Variants in STXBP2 observed in about 807,000 individuals in gnomAD.
The protein encoded by STXBP2 is syntaxin-binding protein 2.
STXBP2 carries 47 observed loss-of-function variants against 72.2 expected under a neutral mutation model. That is an observed-to-expected ratio of 0.65 (90% CI 0.51 to 0.83). The LOEUF (loss-of-function observed/expected upper bound fraction) is 0.83, where lower values mean the gene tolerates loss of function less well. Among genes scored for constraint, STXBP2 ranks in the 40% least tolerant of loss-of-function variants. The pLI is 0.00. For synonymous variants in STXBP2, 367 were observed against 338.7 expected (o/e 1.08, Z -0.92); for missense variants, 702 against 807.6 (o/e 0.87, Z 1.58).
chr19:7,632,531 C>T, upstream of STXBP2: 3 of 1,612,194 alleles, frequency 1.9e-6, no homozygotes, highest in Non-Finnish European at 2.5e-6. This position sits in a 1 kb window ranked among gnomAD's most constrained non-coding sequence, Gnocchi z 5.2. Context: ...CGTGGACGTT[C>T]ACAGACTTGG....
chr19:7,631,409 T>TGGGGGGGGGGGGGGGGGGGGGGGG, the STXBP2 span: 2 of 639,588 alleles, frequency 3.1e-6, no homozygotes, highest in Non-Finnish European at 4.3e-6. Flanking sequence ...CGGGGGGGGG[T>TGGGGGGGGGGGGGGGGGGGGGGGG]GGTCCCGGCT....
upstream of STXBP2, chr19:7,633,856 T>G: frequency 1.0e-5 from 2 of 193,764 alleles, no homozygotes; most frequent in Non-Finnish European, 2.1e-5. Context: ...GCCACCCAGG[T>G]TCCCCCACTG....
chr19:7,642,442 G>A lies in STXBP2; in HGVS notation c.808G>A (p.Gly270Arg), dbSNP rs187320742. 2.8e-5 allele frequency: 45 copies of A among 1,613,924 alleles called. No homozygotes were observed. Among genetic ancestry groups the A allele is most frequent in the Middle Eastern group, 1.6e-4 (1 of 6,062 alleles). Residue 270 changes from glycine (G) to arginine (R), a missense_variant, in exon 10 of 19, where the codon GGG becomes AGG. Coordinates refer to ENST00000221283, the MANE Select transcript of STXBP2 (RefSeq NM_006949.4). The surrounding 1 kb of genome is among the most constrained non-coding windows in gnomAD (Gnocchi z 6.0). The part of the protein sequence containing the change: ...EQDTYRYETT[G>R]LSEAREKAVL... ...CTTCCTCCCCAGGTATGAGACCACCGGGCTGAGCGAGGCGCGGGAGAAGGC... is the reference window on the plus strand; with the variant it reads ...CTTCCTCCCCAGGTATGAGACCACCAGGCTGAGCGAGGCGCGGGAGAAGGC...
At chr19:7,631,804 C>T in the STXBP2 span, 1 of 1,412,012 alleles carries the variant, frequency 7.1e-7, no homozygotes, top group South Asian at 1.9e-5. Context: ...TTTCTGTGCT[C>T]CGTCCTGTGG....
rs1268611912 is a variant in STXBP2, at chr19:7,642,396, C to T, written c.795-33C>T. The T allele has an allele frequency of 6.2e-7, 1 of 1,613,696 alleles. No individual in the cohort carries two copies. Among genetic ancestry groups the T allele is most frequent in the Non-Finnish European group, 8.5e-7 (1 of 1,179,676 alleles). On this transcript the variant is annotated intron_variant, in intron 9 of 18. Coordinates refer to ENST00000221283, the MANE Select transcript of STXBP2 (RefSeq NM_006949.4). This position sits in a 1 kb window ranked among gnomAD's most constrained non-coding sequence, Gnocchi z 6.0. The stretch of plus-strand genomic sequence containing the variant: ...GACCTGGTTCCCCAGTCCTCAGCTC[C>T]CCTGACCCCCAGGCTCCCTCCTTCC...
chr19:7,645,980 C>T (rs1044744285), intron 15 of STXBP2: 6 of 559,156 alleles, frequency 1.1e-5, no homozygotes, highest in East Asian at 8.9e-5. Context: ...CTTTGTCTCA[C>T]TGCTTCTTAT....
intron 15 of STXBP2, 47 bp from the exon 16 acceptor site, chr19:7,646,202 C>T: frequency 6.5e-7 from 1 of 1,527,712 alleles, no homozygotes; most frequent in East Asian, 2.4e-5. Context: ...CTGTGACCAG[C>T]CTCCTTCCCC....
chr19:7,632,435 C>A, upstream of STXBP2: 1 of 1,613,966 alleles, frequency 6.2e-7, no homozygotes, highest in African/African-American at 1.3e-5. This position sits in a 1 kb window ranked among gnomAD's most constrained non-coding sequence, Gnocchi z 5.2. Flanking sequence ...TGCTGACTGT[C>A]ACACGTTGGT....
chr19:7,641,360 ATCC>A (rs971673530), intron 6 of STXBP2, among the ~76,000 whole-genome samples: 1 of 152,138 alleles, frequency 6.6e-6, no homozygotes, highest in Non-Finnish European at 1.5e-5. Flanking sequence ...ACAGAGCGAG[ATCC>A]TGTCTCAAAA....
At position 7,642,883 on chromosome 19, in the gene STXBP2, C is replaced by T. The variant is rs573444221; in HGVS notation, c.960+60C>T. 180 of 1,612,354 alleles carry T rather than the reference C, an allele frequency of 1.1e-4. 1 individual carries two copies. Among genetic ancestry groups the T allele is most frequent in the South Asian group, 8.5e-4 (77 of 91,048 alleles). On this transcript the variant is annotated intron_variant, in intron 11 of 18. Coordinates refer to ENST00000221283, the MANE Select transcript of STXBP2 (RefSeq NM_006949.4). This position sits in a 1 kb window ranked among gnomAD's most constrained non-coding sequence, Gnocchi z 6.0. ...GGAAGGAAGCCCCCCTCCCCATGGG[C>T]GCAGGGCCACAGCCTGGATTTCGAG...
chr19:7,632,392 C>T (rs779625085), upstream of STXBP2: 1 of 1,613,894 alleles, frequency 6.2e-7, no homozygotes, highest in South Asian at 1.1e-5. This position sits in a 1 kb window ranked among gnomAD's most constrained non-coding sequence, Gnocchi z 5.2. Flanking sequence ...ACATCACCTA[C>T]CTTGGACCCC....
chr19:7,637,495 G>A (rs921511048), intron 1 of STXBP2, among the ~76,000 whole-genome samples: 2 of 152,058 alleles, frequency 1.3e-5, no homozygotes, highest in African/African-American at 4.8e-5. Context: ...GGAGGGCACA[G>A]CTGGATGCCC....
At chr19:7,646,923 C>T (rs1036146976) in intron 16 of STXBP2, 13 of 592,242 alleles carry the variant, frequency 2.2e-5, no homozygotes, top group Admixed American at 8.9e-5. Flanking sequence ...TGGGTTTAGA[C>T]TTCTGGGTAC....
Position 7,647,716 on chromosome 19 carries a change from C to T in STXBP2, c.1697-9C>T, listed in dbSNP as rs777335531. 11 of 1,613,948 alleles carry T rather than the reference C, an allele frequency of 6.8e-6. No individual in the cohort carries two copies. In the East Asian group the frequency reaches 2.0e-4, roughly 29 times the overall value. On this transcript the variant is annotated splice_polypyrimidine_tract_variant and intron_variant, in intron 18 of 18. Transcript: ENST00000221283. ...CCAACATCTTCCCCAAACCTCTGCC[C>T]CTGCACAGGCTCCTCACACATCCTC...
upstream of STXBP2, chr19:7,633,330 G>A (rs1396906304): frequency 2.2e-6 from 3 of 1,342,604 alleles, no homozygotes; most frequent in African/African-American, 1.5e-5. Context: ...TTAATTAGGT[G>A]CCCTACAAAC....
upstream of STXBP2, chr19:7,632,137 C>T (rs2031339930): frequency 1.6e-6 from 1 of 608,426 alleles, no homozygotes; most frequent in East Asian, 2.9e-5. The surrounding 1 kb of genome is among the most constrained non-coding windows in gnomAD (Gnocchi z 5.2). Context: ...CTATTTTCTC[C>T]CTTTGGCCTC....
chr19:7,640,116 G>C (rs1392918180), intron 4 of STXBP2: 4 of 584,188 alleles, frequency 6.8e-6, no homozygotes, highest in Non-Finnish European at 9.6e-6. Flanking sequence ...GTGCATGTGT[G>C]TATGCGTGTG....
intron 3 of STXBP2, chr19:7,639,500 T>C (rs770610455): frequency 3.6e-5 from 22 of 602,964 alleles, no homozygotes; most frequent in African/African-American, 1.3e-4. Flanking sequence ...GCCTGTCCTC[T>C]CAGAACCTCA....
In STXBP2 at chr19:7,642,457, C is replaced by A; in HGVS notation, c.823C>A (p.Arg275=). 6.2e-7 allele frequency: 1 copy of A among 1,613,982 alleles called. No individual in the cohort carries two copies. The highest frequency in any genetic ancestry group is 8.5e-7 in the Non-Finnish European group (1 of 1,180,026). The change falls in exon 10 of 19, where the codon CGG becomes AGG. Residue 275 remains arginine (R), a synonymous_variant. Transcript: ENST00000221283. The surrounding 1 kb of genome is among the most constrained non-coding windows in gnomAD (Gnocchi z 6.0). ...RYETTGLSEA[R]EKAVLLDEDD... is the part of the protein sequence containing the mutation. ...TGAGACCACCGGGCTGAGCGAGGCG[C>A]GGGAGAAGGCCGTCTTGCTGGACGA...
Sources: gnomAD v4.1 joint callset for allele counts (sites outside exome capture counted in the v4.1 genomes callset) on GRCh38, gnomAD v4.1.1 for gene constraint, Gnocchi (gnomAD v3.1) non-coding constraint, MANE v1.5 for transcripts, NCBI Gene and HGNC (gene_info 2026-07-23, HGNC 2026-07-21) for gene names.